UBA6: variants seen among roughly 807,000 people sequenced by gnomAD.
The protein encoded by UBA6 is ubiquitin like modifier activating enzyme 6, also known as ubiquitin-like modifier-activating enzyme 6.
UBA6 carries 87 observed loss-of-function variants against 148.3 expected under a neutral mutation model. That is an observed-to-expected ratio of 0.59 (90% CI 0.49 to 0.70). The LOEUF is 0.70. UBA6 is among the 30% of genes least tolerant of loss of function. The probability of loss-of-function intolerance (pLI) is 0.00; values close to 1 mark genes in which losing one functional copy is unlikely to be tolerated. For missense variants in UBA6, 1,186 were observed against 1,241.2 expected, an observed-to-expected ratio of 0.96 and a Z score of 0.67; for synonymous variants, 376 against 401.0, an observed-to-expected ratio of 0.94 and a Z score of 0.75.
rs926668637 is a variant in UBA6 at position 67,631,858 on chromosome 4, G to A, written c.2193C>T (p.Gly731=). 2.5e-6 allele frequency: 4 copies of A among 1,611,838 alleles called. No individual in the cohort carries two copies. Among genetic ancestry groups the A allele is most frequent in the Middle Eastern group, 3.3e-4 (2 of 5,988 alleles). The change falls in exon 24 of 33, where the codon GGC becomes GGT. Residue 731 remains glycine, a splice_region_variant and synonymous_variant. Transcript: ENST00000322244. ...CFPLDIRLKD[G]SLFWQSPKRP... ...TTTATTCTCAACATTTATACTTACTGCCATCTTTTAATCGTATGTCCAGAG... is the reference window on the plus strand; with the variant it reads ...TTTATTCTCAACATTTATACTTACTACCATCTTTTAATCGTATGTCCAGAG...
At chr4:67,643,829 T>C (rs1473561161) in intron 17 of UBA6, among the ~76,000 whole-genome samples, 3 of 152,118 alleles carry the variant, frequency 2.0e-5, no homozygotes, top group Admixed American at 1.3e-4. Flanking sequence ...TATATGCTAA[T>C]GTGCATCATG....
chr4:67,624,620 TG>T (rs755243323), intron 29 of UBA6, among the ~76,000 whole-genome samples: 4 of 152,056 alleles, frequency 2.6e-5, no homozygotes, highest in South Asian at 2.1e-4. Context: ...TGATGTAATA[TG>T]GTATAATAAC....
rs79257722 is a variant in UBA6 at position 67,635,287 on chromosome 4, TA to T, written c.1842+165del. ...ACACCAGACACAAAATTCTGATAAT[TA>T]AAAAAAAGTTCAATTATATTTTAAA... On this transcript the variant is annotated intron_variant, in intron 20 of 32. Coordinates refer to ENST00000322244, the MANE Select transcript of UBA6 (RefSeq NM_018227.6). Among the ~76,000 whole-genome samples, 15 of 151,926 alleles carry T rather than the reference TA, an allele frequency of 9.9e-5. No individual in the cohort carries two copies. In the East Asian group the frequency reaches 1.3e-3, roughly 14 times the overall value.
At position 67,681,587 on chromosome 4, in the gene UBA6, C is replaced by T. The variant is rs1344565434; in HGVS notation, c.234G>A (p.Lys78=). Residue 78 remains lysine (K), a synonymous_variant, in exon 4 of 33, where the codon AAG becomes AAA. Transcript: ENST00000322244. ...GMGGLGLEIA[K]NLVLAGIKAV... ...CCTTAATCCCTGCAAGAACAAGATTCTTTGCTAGAAAGGCAAAAGAAAAAG... is the reference window on the plus strand; with the variant it reads ...CCTTAATCCCTGCAAGAACAAGATTTTTTGCTAGAAAGGCAAAAGAAAAAG... 1 of 1,579,930 alleles carries T rather than the reference C, an allele frequency of 6.3e-7. No individual in the cohort carries two copies. The highest frequency in any genetic ancestry group is 8.6e-7 in the Non-Finnish European group (1 of 1,168,574).
intron 19 of UBA6, among the ~76,000 whole-genome samples, chr4:67,636,473 G>C (rs1425024962): frequency 6.6e-6 from 1 of 152,194 alleles, no homozygotes; most frequent in Admixed American, 6.5e-5. Flanking sequence ...TGCCATCTCA[G>C]CTCACTGCAA....
chr4:67,668,763 AC>A, intron 8 of UBA6, 89 bp from the exon 9 acceptor site: 1 of 1,319,566 alleles, frequency 7.6e-7, no homozygotes, highest in Non-Finnish European at 1.0e-6. Context: ...TGACAAAGTT[AC>A]CATAAAATTC....
At position 67,677,734 on chromosome 4, in the gene UBA6, A is replaced by G; in HGVS notation, c.354-12T>C. ...GTACAGCTTCAGCCCTAAAAAAATA[A>G]AATAAATTTTTACTGTTCTTTAATT... is the stretch of plus-strand genomic sequence containing the variant. On this transcript the variant is annotated splice_polypyrimidine_tract_variant and intron_variant, in intron 5 of 32. Coordinates refer to ENST00000322244, the MANE Select transcript of UBA6 (RefSeq NM_018227.6). 5 of 1,451,740 alleles carry G rather than the reference A, an allele frequency of 3.4e-6. No individual in the cohort carries two copies. Among genetic ancestry groups the G allele is most frequent in the Non-Finnish European group, 4.8e-6 (5 of 1,049,270 alleles). The allele number at this position is 1,451,740 out of a possible 1,614,324, so 89.9% of individuals were successfully genotyped here. A position where few individuals can be genotyped will look rare whatever the true frequency, so the allele number is the denominator to read the frequency against.
At chr4:67,626,219 A>C in intron 28 of UBA6, 141 bp downstream of exon 28, 1 of 634,046 alleles carries the variant, frequency 1.6e-6, no homozygotes, top group Non-Finnish European at 2.8e-6. Context: ...ATGAACACTG[A>C]CTTTAATATG....
intron 1 of UBA6, 23 bp downstream of exon 1, chr4:67,701,026 C>A: frequency 3.1e-6 from 5 of 1,613,494 alleles, no homozygotes; most frequent in Non-Finnish European, 4.2e-6. Flanking sequence ...GACCCCTCAC[C>A]TTCGCCCTTC....
chr4:67,664,573 T>C (rs151156470), intron 10 of UBA6, among the ~76,000 whole-genome samples: 380 of 152,240 alleles, frequency 2.5e-3, no homozygotes, highest in African/African-American at 8.8e-3. Flanking sequence ...TGCTAGCTTA[T>C]CCTGAGAAGG....
intron 2 of UBA6, among the ~76,000 whole-genome samples, chr4:67,693,539 G>A (rs569379301): frequency 6.6e-6 from 1 of 152,258 alleles, no homozygotes; most frequent in East Asian, 1.9e-4. Context: ...TTGTTCAAGT[G>A]TCAACTATAC....
At chr4:67,683,994 C>T (rs1336686329) in intron 2 of UBA6, among the ~76,000 whole-genome samples, 1 of 152,142 alleles carries the variant, frequency 6.6e-6, no homozygotes, top group Non-Finnish European at 1.5e-5. Flanking sequence ...AGGAGAATTG[C>T]TTGAGCCAGG....
At chr4:67,644,868 ACTGTTTC>A in intron 16 of UBA6, 90 bp from the exon 17 acceptor site, 1 of 609,974 alleles carries the variant, frequency 1.6e-6, no homozygotes, top group Admixed American at 2.9e-5. Flanking sequence ...TTATTTTACC[ACTGTTTC>A]AACGAAAAAA....
intron 23 of UBA6, among the ~76,000 whole-genome samples, chr4:67,632,808 A>AT (rs1729030605): frequency 2.0e-5 from 3 of 152,134 alleles, no homozygotes; most frequent in Admixed American, 2.0e-4. Flanking sequence ...ACTGGAAAAC[A>AT]TAGGGAAACC....
At chr4:67,665,392 AT>A in intron 9 of UBA6, 100 bp from the exon 10 acceptor site, 1 of 734,686 alleles carries the variant, frequency 1.4e-6, no homozygotes, top group Middle Eastern at 3.9e-4. Context: ...AATTTACAAA[AT>A]TAAAGAATTC....
intron 2 of UBA6, among the ~76,000 whole-genome samples, chr4:67,689,998 G>T (rs1730658740): frequency 6.6e-6 from 1 of 151,958 alleles, no homozygotes; most frequent in African/African-American, 2.4e-5. Flanking sequence ...GATGCTTTAG[G>T]GCTAAGCAGA....
intron 29 of UBA6, 90 bp downstream of exon 29, chr4:67,624,904 C>T: frequency 5.6e-6 from 6 of 1,067,988 alleles, no homozygotes; most frequent in Non-Finnish European, 8.0e-6. Context: ...CCCTCTCTAA[C>T]ATCTCTGAGT....
rs558136750 is a variant in UBA6 at position 67,653,389 on chromosome 4, A to C, written c.1105-4178T>G. ...GCCTCCGCTGGTGATACCCAGGCAA[A>C]CAGGGTCTGGAGTGGACCTCCAGCA... On this transcript the variant is annotated intron_variant, in intron 13 of 32. Transcript: ENST00000322244. Among the ~76,000 whole-genome samples, 5 of 152,300 alleles carry C rather than the reference A, an allele frequency of 3.3e-5. No homozygotes were observed. The East Asian group carries it at 9.7e-4, about 29-fold the overall frequency.
chr4:67,684,009 G>A (rs989501928), intron 2 of UBA6, among the ~76,000 whole-genome samples: 1 of 152,178 alleles, frequency 6.6e-6, no homozygotes, highest in African/African-American at 2.4e-5. Context: ...GCCAGGAGGT[G>A]GAGGTTGCAG....
Sources: allele counts gnomAD v4.1 joint callset (sites outside exome capture counted in the v4.1 genomes callset), GRCh38; gene constraint gnomAD v4.1.1; transcripts MANE v1.5; gene names NCBI Gene and HGNC (gene_info 2026-07-23, HGNC 2026-07-21).